Variants in CA6 observed in about 807,000 individuals in gnomAD.
CA6 encodes the protein carbonic anhydrase 6.
CA6 carries 28 observed loss-of-function variants against 35.9 expected under a neutral mutation model. The observed-to-expected ratio is 0.78, with a 90% CI of 0.58 to 1.07. CA6 has a LOEUF of 1.07. Among genes scored for constraint, CA6 ranks in the 50% least tolerant of loss-of-function variants. The pLI is 0.00. For missense variants in CA6, 377 were observed against 382.0 expected (o/e 0.99, Z 0.11); for synonymous variants, 148 against 152.6 (o/e 0.97, Z 0.22).
intron 7 of CA6, among the ~76,000 whole-genome samples, chr1:8,973,772 CTTTCTTTCTTT>C (rs756865152): frequency 5.0e-5 from 1 of 20,000 alleles, no homozygotes; most frequent in Non-Finnish European, 8.1e-5. Flanking sequence ...TTCTTTCTTT[CTTTCTTTCTTT>C]CTTTTCCCTC....
intron 7 of CA6, among the ~76,000 whole-genome samples, chr1:8,973,716 C>CT (rs945305308): frequency 1.1e-4 from 1 of 9,268 alleles, no homozygotes; most frequent in African/African-American, 5.8e-4. Flanking sequence ...CTCTCTCTTT[C>CT]TTTCTTTCTT....
chr1:8,965,886 CAA>C (rs34739263), intron 5 of CA6, among the ~76,000 whole-genome samples: 282 of 133,590 alleles, frequency 2.1e-3, no homozygotes, highest in East Asian at 3.2e-3. Flanking sequence ...GACTCTGCTT[CAA>C]AAAAAAAAAA....
rs1433556240 is a variant in CA6, at chr1:8,957,002, A to G, written c.260-135A>G. On this transcript the variant is annotated intron_variant, in intron 2 of 7. Coordinates refer to ENST00000377443, the MANE Select transcript of CA6 (RefSeq NM_001215.4). ...CTCCTTTGGTGACCCTGCCCATGGC[A>G]TTCTAAGCCAGTCTATGGTATTGGC... 3 of 715,362 alleles carry G rather than the reference A, an allele frequency of 4.2e-6. No individual in the cohort carries two copies. In the African/African-American group the frequency reaches 5.4e-5, roughly 13 times the overall value. 44.3% of individuals were successfully genotyped at this position (715,362 alleles called of 1,614,324 possible).
At chr1:8,968,140 A>AT (rs1640020299) in intron 6 of CA6, among the ~76,000 whole-genome samples, 2 of 151,500 alleles carry the variant, frequency 1.3e-5, no homozygotes, top group Non-Finnish European at 2.9e-5. Flanking sequence ...GCTAGTTTTT[A>AT]TTTTTAGTAG....
intron 2 of CA6, 27 bp downstream of exon 2, chr1:8,949,469 C>A: frequency 6.3e-7 from 1 of 1,594,154 alleles, no homozygotes; most frequent in Non-Finnish European, 8.6e-7. Flanking sequence ...GTGAGGGGCT[C>A]CAGTCCATGG....
intron 2 of CA6, among the ~76,000 whole-genome samples, chr1:8,955,616 G>GCACGCCTCCTTTTAAGGCCCTTC (rs70985559): frequency 0.018 from 2,661 of 148,638 alleles, 155 homozygotes; most frequent in African/African-American, 0.055. Flanking sequence ...CACTGACCTT[G>GCACGCCTCCTTTTAAGGCCCTTC]CACGCCTCCT....
At chr1:8,965,852 A>C (rs912279842) in intron 5 of CA6, among the ~76,000 whole-genome samples, 2 of 150,182 alleles carry the variant, frequency 1.3e-5, no homozygotes, top group Non-Finnish European at 3.0e-5. Context: ...GTGCCACTGC[A>C]CTCCAGTCTG....
At chr1:8,954,057 T>C (rs1337657148) in intron 2 of CA6, among the ~76,000 whole-genome samples, 1 of 152,160 alleles carries the variant, frequency 6.6e-6, no homozygotes, top group Non-Finnish European at 1.5e-5. Flanking sequence ...AGGGGAGGCA[T>C]GAATAATACA....
intron 4 of CA6, among the ~76,000 whole-genome samples, chr1:8,961,132 C>G (rs114940225): frequency 0.064 from 9,726 of 152,122 alleles, 903 homozygotes; most frequent in African/African-American, 0.21. Flanking sequence ...GGTGAAACAA[C>G]ACATTCCCAG....
chr1:8,962,725 C>A, intron 5 of CA6, 69 bp downstream of exon 5: 1 of 1,339,824 alleles, frequency 7.5e-7, no homozygotes, highest in Non-Finnish European at 1.1e-6. Flanking sequence ...GAGGTGGGCC[C>A]AGGGGGCAGG....
At chr1:8,949,491 G>A (rs1639466084) in intron 2 of CA6, 49 bp downstream of exon 2, 1 of 1,505,828 alleles carries the variant, frequency 6.6e-7, no homozygotes, top group Non-Finnish European at 9.2e-7. Context: ...CAGCCTGCAG[G>A]GGAAGGCAGG....
At chr1:8,948,577 G>T (rs1267605475) in intron 1 of CA6, among the ~76,000 whole-genome samples, 1 of 152,016 alleles carries the variant, frequency 6.6e-6, no homozygotes, top group Non-Finnish European at 1.5e-5. Context: ...AGGAAATGAG[G>T]AAGAGGCCCC....
At chr1:8,951,180 C>T (rs1428073484) in intron 2 of CA6, among the ~76,000 whole-genome samples, 2 of 150,336 alleles carry the variant, frequency 1.3e-5, no homozygotes, top group East Asian at 1.9e-4. Context: ...CGTGCCATTG[C>T]ACCCCAGCCT....
chr1:8,972,737 C>T (rs943617066), intron 7 of CA6, among the ~76,000 whole-genome samples: 12 of 152,024 alleles, frequency 7.9e-5, no homozygotes, highest in East Asian at 1.9e-4. Flanking sequence ...CTCCCCAACC[C>T]GAATAAGGCC....
chr1:8,971,041 C>T, intron 7 of CA6, 60 bp downstream of exon 7: 9 of 1,078,310 alleles, frequency 8.3e-6, no homozygotes, highest in Non-Finnish European at 1.3e-5. Flanking sequence ...GCTCCTTCCT[C>T]TAGGTGGACC....
intron 3 of CA6, among the ~76,000 whole-genome samples, chr1:8,957,785 C>G (rs895736616): frequency 2.5e-5 from 2 of 79,302 alleles, no homozygotes; most frequent in African/African-American, 8.5e-5. Flanking sequence ...CTTGTGTCTA[C>G]AAAAAAAAAA....
chr1:8,966,986 TA>T (rs35048690), intron 5 of CA6, among the ~76,000 whole-genome samples: 3 of 151,464 alleles, frequency 2.0e-5, no homozygotes, highest in African/African-American at 4.9e-5. Flanking sequence ...AAAAAAATAA[TA>T]AAAAAAACAA....
At chr1:8,951,528 G>A in intron 2 of CA6, 1 of 765,176 alleles carries the variant, frequency 1.3e-6, no homozygotes, top group South Asian at 1.3e-5. Flanking sequence ...CTGGACAGCT[G>A]GTGGGAAGCA....
intron 2 of CA6, among the ~76,000 whole-genome samples, chr1:8,955,425 C>G (rs1005486303): frequency 3.7e-4 from 57 of 152,258 alleles, no homozygotes; most frequent in African/African-American, 1.3e-3. Context: ...GGTTGTGGCT[C>G]TTTTCCAATT....
Sources: gnomAD v4.1 joint callset for allele counts (sites outside exome capture counted in the v4.1 genomes callset) on GRCh38, gnomAD v4.1.1 for gene constraint, MANE v1.5 for transcripts, NCBI Gene and HGNC (gene_info 2026-07-23, HGNC 2026-07-21) for gene names.